RIMS2: variants seen among roughly 807,000 people sequenced by gnomAD.
RIMS2 encodes the protein regulating synaptic membrane exocytosis 2, also known as regulating synaptic membrane exocytosis protein 2.
In RIMS2, 59 loss-of-function variants were observed where a neutral mutation model predicts 174.4. The ratio of observed to expected loss-of-function variants is 0.34; its 90% CI spans 0.27 to 0.42. RIMS2 has a LOEUF of 0.42. RIMS2 is among the 10% of genes least tolerant of loss of function. RIMS2 has a pLI of 1.00. For missense variants in RIMS2, 1,620 were observed against 1,666.3 expected, an observed-to-expected ratio of 0.97 and a Z score of 0.48; for synonymous variants, 606 against 572.5, an observed-to-expected ratio of 1.06 and a Z score of -0.84.
chr8:104,237,260 T>G (rs1237768787), intron 19 of RIMS2, among the ~76,000 whole-genome samples: 1 of 152,084 alleles, frequency 6.6e-6, no homozygotes, highest in African/African-American at 2.4e-5. Flanking sequence ...TACAAGAAAA[T>G]GGAATACTAT....
chr8:103,568,508 G>T, intron 1 of RIMS2: 1 of 317,562 alleles, frequency 3.1e-6, no homozygotes. Context: ...AATGTTGTTG[G>T]AACAATCCTT....
chr8:103,901,431 T>G (rs2154524478), intron 4 of RIMS2, among the ~76,000 whole-genome samples: 1 of 152,296 alleles, frequency 6.6e-6, no homozygotes, highest in South Asian at 2.1e-4. Flanking sequence ...TTTTACTTTC[T>G]TTAGAGCATT....
intron 1 of RIMS2, among the ~76,000 whole-genome samples, chr8:103,600,743 A>G (rs2094696798): frequency 6.6e-6 from 1 of 152,146 alleles, no homozygotes; most frequent in Admixed American, 6.6e-5. Flanking sequence ...ATGGTAGCTC[A>G]ACATTTTAGT....
At chr8:103,824,959 T>C (rs1347229586) in intron 3 of RIMS2, among the ~76,000 whole-genome samples, 1 of 152,228 alleles carries the variant, frequency 6.6e-6, no homozygotes, top group Non-Finnish European at 1.5e-5. Context: ...TAGCTTTATG[T>C]TGGGTAGTAT....
At chr8:103,649,699 A>C (rs2096413607) in intron 1 of RIMS2, among the ~76,000 whole-genome samples, 1 of 151,072 alleles carries the variant, frequency 6.6e-6, no homozygotes, top group African/African-American at 2.4e-5. Context: ...TCAGAAAGAC[A>C]GTCTTCAAGC....
chr8:103,991,810 A>T (rs1596537598), intron 17 of RIMS2, among the ~76,000 whole-genome samples: 1 of 152,128 alleles, frequency 6.6e-6, no homozygotes, highest in Admixed American at 6.5e-5. Flanking sequence ...ACCTCTTGCT[A>T]CCTGTGTCTT....
intron 17 of RIMS2, among the ~76,000 whole-genome samples, chr8:104,007,022 A>G (rs930842405): frequency 6.6e-6 from 1 of 152,152 alleles, no homozygotes; most frequent in Non-Finnish European, 1.5e-5. Context: ...AAGACAGCCC[A>G]GTTCAAGTTC....
chr8:103,850,650 G>T (rs1227935673), intron 3 of RIMS2, among the ~76,000 whole-genome samples: 1 of 151,930 alleles, frequency 6.6e-6, no homozygotes, highest in Non-Finnish European at 1.5e-5. Context: ...ATTCTTTTTG[G>T]ATGACTATGA....
intron 19 of RIMS2, among the ~76,000 whole-genome samples, chr8:104,018,027 A>T (rs888056031): frequency 1.3e-5 from 2 of 151,962 alleles, no homozygotes; most frequent in African/African-American, 4.8e-5. Context: ...GTGAGCCGTG[A>T]TTGTGCCACT....
At chr8:103,537,606 G>T (rs1840439543) in intron 1 of RIMS2, among the ~76,000 whole-genome samples, 1 of 151,986 alleles carries the variant, frequency 6.6e-6, no homozygotes, top group Admixed American at 6.6e-5. Flanking sequence ...TATAAAATGA[G>T]GATAATAGTA....
intron 1 of RIMS2, among the ~76,000 whole-genome samples, chr8:103,683,974 T>C (rs1239077996): frequency 6.6e-6 from 1 of 152,194 alleles, no homozygotes; most frequent in Admixed American, 6.6e-5. Context: ...AGTATACTTT[T>C]GTGACAAAGT....
intron 15 of RIMS2, among the ~76,000 whole-genome samples, chr8:103,974,057 G>C (rs1596171848): frequency 1.3e-5 from 2 of 152,154 alleles, no homozygotes; most frequent in Admixed American, 1.3e-4. Flanking sequence ...CCAACCCTGG[G>C]CAATTGTTCA....
rs143357905 is a variant in RIMS2 at position 103,677,114 on chromosome 8, A to T, written c.177-19972A>T. Among the ~76,000 whole-genome samples, 256 of 152,308 alleles carry T rather than the reference A, an allele frequency of 1.7e-3. 1 individual carries two copies. The highest frequency in any genetic ancestry group is 6.4e-3 in the Admixed American group (98 of 15,292). On this transcript the variant is annotated intron_variant, in intron 1 of 23. Coordinates refer to ENST00000504942, the Ensembl canonical transcript of RIMS2. ...GATGCTTTTGGGGCTTAATACTTAT[A>T]CAGGTAAATGTAGATATAGTTGGAA...
At chr8:104,021,488 A>G (rs1014494464) in intron 19 of RIMS2, among the ~76,000 whole-genome samples, 2 of 152,320 alleles carry the variant, frequency 1.3e-5, no homozygotes, top group Non-Finnish European at 1.5e-5. Flanking sequence ...CTGAAATAAT[A>G]AATATATCTT....
chr8:103,682,450 T>C (rs2096891564), intron 1 of RIMS2, among the ~76,000 whole-genome samples: 1 of 152,154 alleles, frequency 6.6e-6, no homozygotes, highest in Non-Finnish European at 1.5e-5. Flanking sequence ...AGTAATATGA[T>C]GACTGAAACG....
chr8:103,527,427 C>T (rs1834596555), intron 1 of RIMS2, among the ~76,000 whole-genome samples: 3 of 152,088 alleles, frequency 2.0e-5, no homozygotes, highest in Non-Finnish European at 4.4e-5. Context: ...GTTCAAGGTA[C>T]ATGTGCATAA....
chr8:103,759,583 A>AG (rs2098084634), intron 2 of RIMS2, among the ~76,000 whole-genome samples: 9 of 151,450 alleles, frequency 5.9e-5, no homozygotes, highest in Admixed American at 5.9e-4. Flanking sequence ...AAAAAAAAAA[A>AG]AAAAAGAAAA....
At chr8:103,532,062 C>T (rs929045482) in intron 1 of RIMS2, among the ~76,000 whole-genome samples, 1 of 152,164 alleles carries the variant, frequency 6.6e-6, no homozygotes, top group Non-Finnish European at 1.5e-5. Flanking sequence ...TTCTAATTCT[C>T]CCTGATTAAG....
At chr8:103,690,294 G>C (rs1346633567) in intron 1 of RIMS2, among the ~76,000 whole-genome samples, 1 of 151,984 alleles carries the variant, frequency 6.6e-6, no homozygotes. Flanking sequence ...GAGTTTAGTT[G>C]ATTTACATTC....
Sources: allele counts gnomAD v4.1 joint callset (sites outside exome capture counted in the v4.1 genomes callset), GRCh38; gene constraint gnomAD v4.1.1; transcripts MANE v1.5; gene names NCBI Gene and HGNC (gene_info 2026-07-23, HGNC 2026-07-21).